Variants in NTRK2 observed in about 807,000 individuals in gnomAD.
The protein encoded by NTRK2 is BDNF/NT-3 growth factors receptor.
Under a neutral mutation model 94.5 loss-of-function variants are expected in NTRK2, and 13 were observed. The observed-to-expected ratio is 0.14, with a 90% confidence interval of 0.09 to 0.22. The LOEUF (loss-of-function observed/expected upper bound fraction) is 0.22, where lower values mean the gene tolerates loss of function less well. NTRK2 is among the 10% of genes least tolerant of loss of function. The pLI is 1.00. For synonymous variants in NTRK2, 372 were observed against 407.4 expected (o/e 0.91, Z 1.05); for missense variants, 639 against 1,071.2 (o/e 0.60, Z 5.63).
intron 14 of NTRK2, among the ~76,000 whole-genome samples, chr9:84,882,719 T>TGTGTGTGTGTGTGTGCGCGCGCGC (rs761042296): frequency 2.4e-4 from 35 of 145,826 alleles, no homozygotes; most frequent in African/African-American, 8.2e-4. Flanking sequence ...TGTGTGTGTG[T>TGTGTGTGTGTGTGTGCGCGCGCGC]GCGCGCGCGC....
chr9:84,795,653 C>G (rs1218131683), intron 12 of NTRK2, among the ~76,000 whole-genome samples: 1 of 152,206 alleles, frequency 6.6e-6, no homozygotes, highest in Non-Finnish European at 1.5e-5. Context: ...AGGAGTTAGC[C>G]TGAGGGTTCG....
intron 14 of NTRK2, among the ~76,000 whole-genome samples, chr9:84,917,419 G>A (rs1017691892): frequency 6.6e-6 from 1 of 152,138 alleles, no homozygotes; most frequent in African/African-American, 2.4e-5. Flanking sequence ...ACTGGGCCGG[G>A]CAGCTTCTTG....
chr9:84,850,048 T>C (rs1385367540), intron 12 of NTRK2, among the ~76,000 whole-genome samples: 3 of 152,138 alleles, frequency 2.0e-5, no homozygotes, highest in Non-Finnish European at 4.4e-5. Context: ...CAGAATGTGG[T>C]GTTTATCATA....
chr9:84,833,114 T>TG (rs1212810299), intron 12 of NTRK2, among the ~76,000 whole-genome samples: 1 of 15,752 alleles, frequency 6.3e-5, no homozygotes, highest in Non-Finnish European at 1.2e-4. Context: ...GTGGTGGTGG[T>TG]GGTGGGTGGG....
At chr9:84,854,816 A>G (rs1197841105) in intron 12 of NTRK2, among the ~76,000 whole-genome samples, 1 of 151,976 alleles carries the variant, frequency 6.6e-6, no homozygotes, top group Non-Finnish European at 1.5e-5. Flanking sequence ...GCATGATGGC[A>G]TGTGCCTGTA....
At chr9:84,721,825 T>C (rs2062086583) in intron 6 of NTRK2, among the ~76,000 whole-genome samples, 1 of 152,230 alleles carries the variant, frequency 6.6e-6, no homozygotes, top group Non-Finnish European at 1.5e-5. Flanking sequence ...GTAATTTTTA[T>C]AGAATTATCA....
chr9:84,886,724 C>T (rs1185165433), intron 14 of NTRK2, among the ~76,000 whole-genome samples: 1 of 152,184 alleles, frequency 6.6e-6, no homozygotes, highest in African/African-American at 2.4e-5. Flanking sequence ...TCAACACTTT[C>T]TCCTTGAGCT....
chr9:84,876,282 G>A, intron 14 of NTRK2: 1 of 1,045,842 alleles, frequency 9.6e-7, no homozygotes, highest in South Asian at 4.6e-5. Context: ...CCACTTTAGG[G>A]AATGCCTTTA....
intron 14 of NTRK2, among the ~76,000 whole-genome samples, chr9:84,926,179 T>TTTCTTTCTTTCC: frequency 1.2e-5 from 1 of 85,952 alleles, no homozygotes; most frequent in Admixed American, 1.3e-4. Flanking sequence ...CCTTTCTTTC[T>TTTCTTTCTTTCC]TTCTTTCTTT....
At chr9:84,776,007 G>A (rs2066993201) in intron 12 of NTRK2, among the ~76,000 whole-genome samples, 1 of 152,076 alleles carries the variant, frequency 6.6e-6, no homozygotes, top group Non-Finnish European at 1.5e-5. Context: ...TTGACAGAGT[G>A]CAACAGCTCT....
intron 12 of NTRK2, among the ~76,000 whole-genome samples, chr9:84,754,940 T>G (rs899278248): frequency 4.6e-5 from 7 of 152,146 alleles, no homozygotes; most frequent in African/African-American, 1.7e-4. Context: ...TAAATGACAG[T>G]TCAATGCTGC....
chr9:84,911,769 C>T (rs1186712069), intron 14 of NTRK2, among the ~76,000 whole-genome samples: 1 of 152,004 alleles, frequency 6.6e-6, no homozygotes, highest in Non-Finnish European at 1.5e-5. Flanking sequence ...TCTGATCTTA[C>T]ATTTTTTAAA....
At chr9:84,922,164 G>A (rs980010135) in intron 14 of NTRK2, among the ~76,000 whole-genome samples, 1 of 152,204 alleles carries the variant, frequency 6.6e-6, no homozygotes, top group Non-Finnish European at 1.5e-5. Flanking sequence ...AACCGAAATA[G>A]TTTTCAGATT....
intron 17 of NTRK2, among the ~76,000 whole-genome samples, chr9:84,976,939 G>A (rs1374767964): frequency 6.6e-6 from 1 of 152,134 alleles, no homozygotes; most frequent in East Asian, 1.9e-4. Flanking sequence ...TGCTTCCTGT[G>A]TGTATATGTA....
intron 14 of NTRK2, among the ~76,000 whole-genome samples, chr9:84,901,189 G>GTTTTA (rs1268312803): frequency 2.8e-5 from 2 of 72,590 alleles, no homozygotes; most frequent in African/African-American, 3.6e-5. Flanking sequence ...ATTTTGTTTT[G>GTTTTA]TTTTGTTTTG....
intron 14 of NTRK2, among the ~76,000 whole-genome samples, chr9:84,901,310 C>T (rs971228645): frequency 5.9e-5 from 9 of 151,634 alleles, no homozygotes; most frequent in African/African-American, 2.2e-4. Flanking sequence ...GCAACCTCTG[C>T]CTCCTGGCTT....
chr9:84,936,312 G>A (rs2078211544), intron 15 of NTRK2, among the ~76,000 whole-genome samples: 1 of 152,180 alleles, frequency 6.6e-6, no homozygotes, highest in Non-Finnish European at 1.5e-5. Context: ...GGCACCCTCA[G>A]CTTATGTGTT....
intron 13 of NTRK2, among the ~76,000 whole-genome samples, chr9:84,863,186 G>A (rs2075413024): frequency 6.6e-6 from 1 of 152,148 alleles, no homozygotes; most frequent in Admixed American, 6.6e-5. Flanking sequence ...TGAAGGCACT[G>A]TTGGTATTGA....
At position 84,752,101 on chromosome 9, in the gene NTRK2, T is replaced by TG; in HGVS notation, c.1396+16_1396+17insG. 1 of 1,587,012 alleles carries TG rather than the reference T, an allele frequency of 6.3e-7. No individual in the cohort carries two copies. The highest frequency in any genetic ancestry group is 8.7e-7 in the Non-Finnish European group (1 of 1,155,522). ...GGCATGAAAGGTAAGAAGGGTTGTG[T>TG]TTATTTAGCTTCTTATGTGGATCAT... On this transcript the variant is annotated intron_variant, in intron 12 of 18. Transcript: ENST00000277120.
Sources: allele counts gnomAD v4.1 joint callset (sites outside exome capture counted in the v4.1 genomes callset), GRCh38; gene constraint gnomAD v4.1.1; transcripts MANE v1.5; gene names NCBI Gene and HGNC (gene_info 2026-07-23, HGNC 2026-07-21).